HNRNPLL: variants seen among roughly 807,000 people sequenced by gnomAD.
The protein encoded by HNRNPLL is heterogeneous nuclear ribonucleoprotein L-like.
Under a neutral mutation model 67.1 loss-of-function variants are expected in HNRNPLL, and 25 were observed. That is an observed-to-expected ratio of 0.37 (90% CI 0.27 to 0.52). The LOEUF (loss-of-function observed/expected upper bound fraction) is 0.52. HNRNPLL is among the 20% of genes least tolerant of loss of function. HNRNPLL has a pLI of 0.90. For synonymous variants in HNRNPLL, 267 were observed against 241.7 expected (o/e 1.10, Z -0.97); for missense variants, 542 against 673.9 (o/e 0.80, Z 2.17).
rs1665698264 is a variant in HNRNPLL, at chr2:38,562,110, T to C, written c.*2072A>G. 6.6e-6 allele frequency: 1 copy of C among 152,174 alleles called. No homozygotes were observed. The highest frequency in any genetic ancestry group is 2.4e-5 in the African/African-American group (1 of 41,444). The allele number at this position is 152,174 out of a possible 1,614,324, so 9.4% of individuals were successfully genotyped here. On this transcript the variant is annotated 3_prime_UTR_variant, in exon 13 of 13. Coordinates refer to ENST00000449105, the MANE Select transcript of HNRNPLL (RefSeq NM_138394.4). ...TTAAATCTGCTTTTTCTAGTTCTTC[T>C]AAAAGCATAAAGATAGCACAGAGAA...
intron 6 of HNRNPLL, chr2:38,581,567 A>G (rs1666530414): frequency 5.8e-6 from 2 of 346,414 alleles, no homozygotes; most frequent in Admixed American, 4.5e-5. Flanking sequence ...AGTCCTTTCC[A>G]TAGAGAAGCA....
At chr2:38,578,528 G>A (rs1039204396) in intron 6 of HNRNPLL, among the ~76,000 whole-genome samples, 3 of 151,916 alleles carry the variant, frequency 2.0e-5, no homozygotes, top group Non-Finnish European at 4.4e-5. Context: ...AAACAAATGA[G>A]GTTTATGGGA....
chr2:38,578,049 G>GTATA (rs1666366575), intron 6 of HNRNPLL: 1 of 467,522 alleles, frequency 2.1e-6, no homozygotes, highest in Admixed American at 2.4e-5. Context: ...TATTTTATAA[G>GTATA]TATATGCACA....
At chr2:38,582,381 G>A (rs1266468189) in intron 4 of HNRNPLL, among the ~76,000 whole-genome samples, 5 of 152,078 alleles carry the variant, frequency 3.3e-5, no homozygotes, top group African/African-American at 7.2e-5. Flanking sequence ...CGCGACCTGG[G>A]CTCAATGCAA....
intron 10 of HNRNPLL, 23 bp downstream of exon 10, chr2:38,569,110 C>A (rs1462444748): frequency 3.4e-6 from 5 of 1,472,216 alleles, no homozygotes; most frequent in Non-Finnish European, 4.8e-6. Flanking sequence ...ACATTCTATA[C>A]ACATTTGTAT....
chr2:38,585,464 CTTT>C lies in HNRNPLL; in HGVS notation c.546+177_546+179del, dbSNP rs544027996. Among the ~76,000 whole-genome samples, 535 of 152,236 alleles carry C rather than the reference CTTT, an allele frequency of 3.5e-3. 1 individual carries two copies. Among genetic ancestry groups the C allele is most frequent in the Middle Eastern group, 0.02 (6 of 294 alleles). On this transcript the variant is annotated intron_variant, in intron 3 of 12. Transcript: ENST00000449105. ...ATTTAATTATGACAACTGTGCTTAT[CTTT>C]TTAACTACAGTGCTCAGCATTTTTT... is the stretch of plus-strand genomic sequence containing the variant.
intron 10 of HNRNPLL, 104 bp from the exon 11 acceptor site, chr2:38,568,547 T>C (rs1028831277): frequency 8.8e-6 from 6 of 682,544 alleles, no homozygotes; most frequent in Admixed American, 5.8e-5. Context: ...AATTCTCAAA[T>C]GAATGGATTA....
At chr2:38,567,188 C>T (rs1365262960) in intron 12 of HNRNPLL, among the ~76,000 whole-genome samples, 2 of 152,254 alleles carry the variant, frequency 1.3e-5, no homozygotes, top group Non-Finnish European at 2.9e-5. Context: ...ACTGCAACCT[C>T]ACCTCCCAGG....
At chr2:38,581,160 G>C (rs770432235) in intron 6 of HNRNPLL, 1 of 152,162 alleles carries the variant, frequency 6.6e-6, no homozygotes, top group African/African-American at 2.4e-5. Context: ...ACTGGTCCTG[G>C]TTATTTGCCA....
At chr2:38,582,791 G>A (rs1666584600) in intron 4 of HNRNPLL, among the ~76,000 whole-genome samples, 1 of 151,668 alleles carries the variant, frequency 6.6e-6, no homozygotes, top group Admixed American at 6.6e-5. Flanking sequence ...GTGGTGGCAG[G>A]TGCCTGTCAT....
chr2:38,577,469 T>A lies in HNRNPLL; in HGVS notation c.866A>T (p.Asp289Val), dbSNP rs754089876. The A allele has an allele frequency of 3.8e-6, 6 of 1,599,676 alleles. No homozygotes were observed. The highest frequency in any genetic ancestry group is 5.1e-6 in the Non-Finnish European group (6 of 1,167,168). The change falls in exon 7 of 13, where the codon GAT becomes GTT. Residue 289 changes from aspartate (D) to valine (V), a missense_variant. This residue lies in a region of HNRNPLL where 415 missense variants were observed against 575.2 expected (regional missense o/e 0.72). Coordinates refer to ENST00000449105, the MANE Select transcript of HNRNPLL (RefSeq NM_138394.4). ...LGEHPSSFRH[D>V]GYGSHGPLLP... is the part of the protein sequence containing the mutation. ...CTACCTTGACAACTTACCATAGCCA[T>A]CATGTCTAAACGAAGAAGGGTGTTC...
intron 7 of HNRNPLL, among the ~76,000 whole-genome samples, chr2:38,574,514 G>T (rs1465065477): frequency 6.6e-6 from 1 of 151,798 alleles, no homozygotes; most frequent in Admixed American, 6.6e-5. Context: ...AGTTGCACTT[G>T]TATATAGGAC....
Position 38,577,550 on chromosome 2 carries a change from A to T in HNRNPLL, c.803-18T>A. ...TCCTCTATCTGACACAAAAGTAGAA[A>T]CATGGTTTTAACAATTTTGACCCAA... On this transcript the variant is annotated intron_variant, in intron 6 of 12. Coordinates refer to ENST00000449105, the MANE Select transcript of HNRNPLL (RefSeq NM_138394.4). 6.4e-7 allele frequency: 1 copy of T among 1,566,428 alleles called. No individual in the cohort carries two copies. The highest frequency in any genetic ancestry group is 8.8e-7 in the Non-Finnish European group (1 of 1,136,962).
Position 38,600,977 on chromosome 2 carries a change from T to A in HNRNPLL, c.189+1461A>T, listed in dbSNP as rs77893056. Among the ~76,000 whole-genome samples, 137 of 152,366 alleles carry A rather than the reference T, an allele frequency of 9.0e-4. 1 individual carries two copies. The highest frequency in any genetic ancestry group is 2.9e-3 in the African/African-American group (119 of 41,580). ...TTCCAAAATGCCTGAAGACATTTCA[T>A]GATGCTGCACAAAAACCCAAGCAAG... On this transcript the variant is annotated intron_variant, in intron 1 of 12. Transcript: ENST00000449105.
chr2:38,587,353 T>TA (rs1222638706), intron 2 of HNRNPLL, among the ~76,000 whole-genome samples: 3 of 152,050 alleles, frequency 2.0e-5, no homozygotes, highest in African/African-American at 7.3e-5. Context: ...AGGTAACTAT[T>TA]ACTGTATTAT....
At chr2:38,566,838 A>T (rs549033274) in intron 12 of HNRNPLL, among the ~76,000 whole-genome samples, 10 of 151,142 alleles carry the variant, frequency 6.6e-5, no homozygotes, top group African/African-American at 1.9e-4. Context: ...AAAAAAAATT[A>T]AAAATAAAAA....
rs1316721897 is a variant in HNRNPLL at position 38,569,666 on chromosome 2, TAAC to T, written c.1214+135_1214+137del. On this transcript the variant is annotated intron_variant, in intron 9 of 12. Coordinates refer to ENST00000449105, the MANE Select transcript of HNRNPLL (RefSeq NM_138394.4). ...ATACGACCCTAACTCTTGTCTAAAA[TAAC>T]AATATTACAGCTGTTGTTTCAGATG... 7.0e-5 allele frequency: 38 copies of T among 543,952 alleles called. No homozygotes were observed. In the South Asian group the frequency reaches 1.2e-3, roughly 17 times the overall value. The allele number at this position is 543,952 out of a possible 1,614,324, so 33.7% of individuals were successfully genotyped here.
intron 1 of HNRNPLL, chr2:38,599,789 C>A: frequency 4.7e-6 from 2 of 427,942 alleles, no homozygotes. Flanking sequence ...ATTATCAAAG[C>A]ACTCAAGGTT....
rs562794431 is a variant in HNRNPLL, at chr2:38,577,402, G to C, written c.874+59C>G. The C allele has an allele frequency of 2.5e-4, 262 of 1,051,786 alleles. 2 individuals are homozygous for C. In the Admixed American group the frequency reaches 4.2e-3, roughly 17 times the overall value. The allele number at this position is 1,051,786 out of a possible 1,614,324, so 65.2% of individuals were successfully genotyped here. A position where few individuals can be genotyped will look rare whatever the true frequency, so the allele number is the denominator to read the frequency against. ...ACAAGAAATGTGCCATACTTCATCA[G>C]AAATGCAGCAAGTCAAACAGTTCAT... On this transcript the variant is annotated intron_variant, in intron 7 of 12. Coordinates refer to ENST00000449105, the MANE Select transcript of HNRNPLL (RefSeq NM_138394.4).
Sources: allele counts gnomAD v4.1 joint callset (sites outside exome capture counted in the v4.1 genomes callset), GRCh38; gene constraint gnomAD v4.1.1; regional missense constraint gnomAD v4.1.1; transcripts MANE v1.5; gene names NCBI Gene and HGNC (gene_info 2026-07-23, HGNC 2026-07-21).